DPP10: variants seen among roughly 807,000 people sequenced by gnomAD.
DPP10 encodes the protein dipeptidyl peptidase like 10, also known as inactive dipeptidyl peptidase 10.
A neutral mutation model predicts 120.9 loss-of-function variants in DPP10; 33 were observed. The observed-to-expected ratio is 0.27, with a 90% confidence interval of 0.21 to 0.37. The LOEUF (loss-of-function observed/expected upper bound fraction) is 0.37. Ranked by LOEUF, DPP10 falls within the 10% of genes least tolerant of loss-of-function variation. The probability of loss-of-function intolerance (pLI) is 1.00; values close to 1 mark genes in which losing one functional copy is unlikely to be tolerated. For missense variants in DPP10, 816 were observed against 942.8 expected, an observed-to-expected ratio of 0.87 and a Z score of 1.76; for synonymous variants, 337 against 326.1, an observed-to-expected ratio of 1.03 and a Z score of -0.36.
At chr2:114,899,934 T>G (rs1693410048) in intron 1 of DPP10, among the ~76,000 whole-genome samples, 1 of 152,244 alleles carries the variant, frequency 6.6e-6, no homozygotes, top group Admixed American at 6.5e-5. Context: ...CACTCCAGCC[T>G]GGGTGACAGA....
At chr2:115,457,498 A>G (rs1244649663) in intron 3 of DPP10, among the ~76,000 whole-genome samples, 1 of 152,168 alleles carries the variant, frequency 6.6e-6, no homozygotes, top group African/African-American at 2.4e-5. Context: ...ATGTATTTTA[A>G]AAAATCAAAA....
At chr2:115,004,733 A>G (rs963828299) in intron 1 of DPP10, among the ~76,000 whole-genome samples, 69 of 152,226 alleles carry the variant, frequency 4.5e-4, no homozygotes, top group Middle Eastern at 3.4e-3. Flanking sequence ...ATGGAGTCTC[A>G]CTGATTGCTA....
intron 1 of DPP10, among the ~76,000 whole-genome samples, chr2:114,698,116 A>C (rs757240888): frequency 2.0e-5 from 3 of 152,106 alleles, no homozygotes; most frequent in Non-Finnish European, 4.4e-5. Context: ...AAAATATTAA[A>C]TCATTACCCC....
chr2:114,657,432 T>G (rs1697050278), intron 1 of DPP10, among the ~76,000 whole-genome samples: 1 of 152,182 alleles, frequency 6.6e-6, no homozygotes, highest in South Asian at 2.1e-4. Flanking sequence ...TAGTCATTAG[T>G]TGGTATTATT....
At chr2:115,587,883 T>C (rs898529485) in intron 5 of DPP10, among the ~76,000 whole-genome samples, 5 of 152,218 alleles carry the variant, frequency 3.3e-5, no homozygotes, top group Non-Finnish European at 5.9e-5. Flanking sequence ...TTATCAGTGA[T>C]AGAATTTACA....
intron 5 of DPP10, among the ~76,000 whole-genome samples, chr2:115,664,491 C>A (rs532985618): frequency 9.9e-5 from 15 of 151,996 alleles, no homozygotes; most frequent in Non-Finnish European, 1.6e-4. Flanking sequence ...TGTATATCTC[C>A]CACTTTTTTA....
chr2:115,170,643 T>C (rs2053249548), intron 1 of DPP10, among the ~76,000 whole-genome samples: 1 of 152,192 alleles, frequency 6.6e-6, no homozygotes, highest in South Asian at 2.1e-4. Flanking sequence ...GTCCAATAAA[T>C]AAAGTGAACA....
chr2:115,506,955 A>T (rs988979288), intron 4 of DPP10, among the ~76,000 whole-genome samples: 13 of 152,006 alleles, frequency 8.6e-5, no homozygotes, highest in African/African-American at 3.1e-4. Flanking sequence ...TTTCCATCCA[A>T]ATGTTTTCAA....
intron 19 of DPP10, among the ~76,000 whole-genome samples, chr2:115,804,596 C>T (rs1685685162): frequency 1.3e-5 from 2 of 152,148 alleles, no homozygotes; most frequent in Non-Finnish European, 2.9e-5. Flanking sequence ...TGGTGATGTA[C>T]AGATGGGTTT....
At chr2:115,392,889 A>C (rs1437544627) in intron 3 of DPP10, among the ~76,000 whole-genome samples, 1 of 152,188 alleles carries the variant, frequency 6.6e-6, no homozygotes, top group Admixed American at 6.5e-5. Flanking sequence ...ATTTGAAAGA[A>C]TCCATTACCT....
chr2:115,566,093 A>G (rs2080994050), intron 5 of DPP10, among the ~76,000 whole-genome samples: 1 of 152,020 alleles, frequency 6.6e-6, no homozygotes, highest in South Asian at 2.1e-4. Context: ...GGTAAAGGTT[A>G]TGTATTTTTG....
chr2:114,582,757 C>T (rs1690640066), intron 1 of DPP10, among the ~76,000 whole-genome samples: 1 of 152,162 alleles, frequency 6.6e-6, no homozygotes, highest in Non-Finnish European at 1.5e-5. Flanking sequence ...AGTGTCTATT[C>T]AGATCTCATG....
chr2:114,576,806 A>C (rs1044435820), intron 1 of DPP10, among the ~76,000 whole-genome samples: 7 of 152,236 alleles, frequency 4.6e-5, no homozygotes, highest in African/African-American at 1.4e-4. Context: ...ATGTCTTTCC[A>C]ACAAAATTAC....
intron 8 of DPP10, among the ~76,000 whole-genome samples, chr2:115,732,461 T>G (rs1202000943): frequency 6.6e-6 from 1 of 151,626 alleles, no homozygotes; most frequent in Non-Finnish European, 1.5e-5. Flanking sequence ...TAATGCATTT[T>G]AAACAGCGAA....
At chr2:115,495,332 A>G (rs1179502903) in intron 3 of DPP10, among the ~76,000 whole-genome samples, 1 of 129,274 alleles carries the variant, frequency 7.7e-6, no homozygotes, top group African/African-American at 2.9e-5. Flanking sequence ...TAGGAGTTTA[A>G]TGTTTCTAGA....
intron 1 of DPP10, among the ~76,000 whole-genome samples, chr2:115,145,799 C>T (rs886835897): frequency 2.0e-5 from 3 of 152,070 alleles, no homozygotes; most frequent in South Asian, 2.1e-4. Context: ...GCTCCACATT[C>T]GTGTCAGAAT....
chr2:114,638,435 C>A (rs1273915482), intron 1 of DPP10, among the ~76,000 whole-genome samples: 6 of 151,642 alleles, frequency 4.0e-5, no homozygotes, highest in Admixed American at 3.9e-4. Context: ...AGGCAAAAAA[C>A]AAATAATCCC....
chr2:114,824,459 T>A (rs572508577), intron 1 of DPP10, among the ~76,000 whole-genome samples: 48 of 152,300 alleles, frequency 3.2e-4, no homozygotes, highest in Admixed American at 8.5e-4. Flanking sequence ...TTGATTCAGT[T>A]CTATAAAAGG....
intron 1 of DPP10, among the ~76,000 whole-genome samples, chr2:114,776,748 T>C (rs1681783198): frequency 1.3e-5 from 2 of 152,140 alleles, no homozygotes; most frequent in African/African-American, 4.8e-5. Context: ...GTTGTAGTGA[T>C]TTAAATTAAA....
Sources: allele counts gnomAD v4.1 joint callset (sites outside exome capture counted in the v4.1 genomes callset), GRCh38; gene constraint gnomAD v4.1.1; transcripts MANE v1.5; gene names NCBI Gene and HGNC (gene_info 2026-07-23, HGNC 2026-07-21).